BTBD9: variants seen among roughly 807,000 people sequenced by gnomAD.
BTBD9 encodes the protein BTB/POZ domain-containing protein 9.
Under a neutral mutation model 64.3 loss-of-function variants are expected in BTBD9, and 49 were observed. The observed-to-expected ratio is 0.76, with a 90% confidence interval of 0.61 to 0.97. The LOEUF (loss-of-function observed/expected upper bound fraction) is 0.97. Ranked by LOEUF, BTBD9 falls within the 50% of genes least tolerant of loss-of-function variation. The probability of loss-of-function intolerance (pLI) is 0.00; values close to 1 mark genes in which losing one functional copy is unlikely to be tolerated. For missense variants in BTBD9, 598 were observed against 762.1 expected (o/e 0.78, Z 2.53); for synonymous variants, 260 against 274.7 (o/e 0.95, Z 0.53).
At chr6:38,337,422 C>T (rs1425136288) in intron 7 of BTBD9, among the ~76,000 whole-genome samples, 1 of 152,220 alleles carries the variant, frequency 6.6e-6, no homozygotes, top group African/African-American at 2.4e-5. Context: ...TTACTATCTT[C>T]AGCTCCTCTG....
intron 9 of BTBD9, among the ~76,000 whole-genome samples, chr6:38,211,392 G>A (rs1473404005): frequency 6.7e-6 from 1 of 148,956 alleles, no homozygotes; most frequent in East Asian, 2.0e-4. Flanking sequence ...TAGCACCACT[G>A]CACTCCAGCC....
chr6:38,608,749 G>T (rs1296336472), intron 1 of BTBD9, among the ~76,000 whole-genome samples: 1 of 152,108 alleles, frequency 6.6e-6, no homozygotes, highest in East Asian at 1.9e-4. Flanking sequence ...TGAGAAATTT[G>T]TACAACATAA....
At chr6:38,385,766 A>G (rs146104330) in intron 6 of BTBD9, among the ~76,000 whole-genome samples, 4 of 151,818 alleles carry the variant, frequency 2.6e-5, no homozygotes, top group East Asian at 3.9e-4. Context: ...AAAAACAAGC[A>G]AACTATTAGA....
At chr6:38,329,537 G>C (rs1175096081) in intron 7 of BTBD9, among the ~76,000 whole-genome samples, 1 of 151,798 alleles carries the variant, frequency 6.6e-6, no homozygotes, top group Non-Finnish European at 1.5e-5. Flanking sequence ...TGGCCAGGCC[G>C]GTCTCAAACT....
chr6:38,412,017 A>G (rs1381307128), intron 6 of BTBD9, among the ~76,000 whole-genome samples: 2 of 152,118 alleles, frequency 1.3e-5, no homozygotes, highest in African/African-American at 4.8e-5. Flanking sequence ...AAAATAAAAT[A>G]ATTTTAAAAT....
At chr6:38,351,720 C>T (rs1461723387) in intron 6 of BTBD9, among the ~76,000 whole-genome samples, 1 of 151,786 alleles carries the variant, frequency 6.6e-6, no homozygotes, top group Admixed American at 6.6e-5. Context: ...AGTATGGTCT[C>T]GATCTCCTGA....
intron 8 of BTBD9, among the ~76,000 whole-genome samples, chr6:38,265,972 G>A (rs776161321): frequency 2.2e-4 from 33 of 152,240 alleles, no homozygotes; most frequent in Non-Finnish European, 4.7e-4. Flanking sequence ...GATACTGAGT[G>A]TGGAATGAAT....
chr6:38,442,187 C>A (rs898666270), intron 6 of BTBD9, among the ~76,000 whole-genome samples: 3 of 152,078 alleles, frequency 2.0e-5, no homozygotes, highest in Non-Finnish European at 4.4e-5. Flanking sequence ...TCTGTGAATT[C>A]CTATAATAAC....
chr6:38,494,329 T>G (rs745491423), intron 6 of BTBD9, among the ~76,000 whole-genome samples: 15 of 152,224 alleles, frequency 9.9e-5, no homozygotes, highest in Admixed American at 1.3e-4. Context: ...AAATTAAAAT[T>G]CTTCTATTCA....
chr6:38,542,967 C>G (rs1774355384), intron 6 of BTBD9, among the ~76,000 whole-genome samples: 1 of 152,206 alleles, frequency 6.6e-6, no homozygotes. Context: ...CATATCACTT[C>G]CCCGATTAAA....
intron 7 of BTBD9, among the ~76,000 whole-genome samples, chr6:38,332,747 T>G (rs972013083): frequency 3.3e-5 from 5 of 152,138 alleles, no homozygotes; most frequent in Admixed American, 6.6e-5. Context: ...TGTATTAAAT[T>G]TATACATTAA....
intron 2 of BTBD9, among the ~76,000 whole-genome samples, chr6:38,597,197 T>C (rs534885486): frequency 2.0e-5 from 3 of 152,198 alleles, no homozygotes; most frequent in Non-Finnish European, 4.4e-5. Context: ...ACTGCAGTTA[T>C]CACTACAAGG....
intron 6 of BTBD9, among the ~76,000 whole-genome samples, chr6:38,451,011 C>T (rs1769516492): frequency 6.6e-6 from 1 of 152,160 alleles, no homozygotes; most frequent in Non-Finnish European, 1.5e-5. Flanking sequence ...GTTTCACTAA[C>T]CTCTTCTCTA....
intron 6 of BTBD9, among the ~76,000 whole-genome samples, chr6:38,484,323 T>G (rs541290258): frequency 6.6e-6 from 1 of 152,270 alleles, no homozygotes; most frequent in South Asian, 2.1e-4. Context: ...TAAAAAGAAA[T>G]GGATTAAAGG....
chr6:38,613,493 G>A (rs1262212644), intron 1 of BTBD9, among the ~76,000 whole-genome samples: 1 of 152,114 alleles, frequency 6.6e-6, no homozygotes, highest in Non-Finnish European at 1.5e-5. Context: ...ATGATGGCGG[G>A]TCCCTGTAAT....
chr6:38,280,159 T>C (rs1263818874), intron 8 of BTBD9, among the ~76,000 whole-genome samples: 1 of 152,198 alleles, frequency 6.6e-6, no homozygotes, highest in Admixed American at 6.5e-5. Flanking sequence ...TGAGGCATAT[T>C]TACCATGCCC....
At chr6:38,460,939 T>C (rs13199426) in intron 6 of BTBD9, among the ~76,000 whole-genome samples, 16,733 of 152,288 alleles carry the variant, frequency 0.11, 970 homozygotes, top group African/African-American at 0.14. Flanking sequence ...TCTGGGTTTT[T>C]TTAAAGGCTG....
intron 9 of BTBD9, among the ~76,000 whole-genome samples, chr6:38,243,956 T>C (rs1764097227): frequency 6.6e-6 from 1 of 152,296 alleles, no homozygotes; most frequent in East Asian, 1.9e-4. Flanking sequence ...GCGTCAATCA[T>C]GGTATAATTA....
At chr6:38,624,205 G>A (rs1375819593) in intron 1 of BTBD9, among the ~76,000 whole-genome samples, 2 of 152,108 alleles carry the variant, frequency 1.3e-5, no homozygotes, top group African/African-American at 2.4e-5. Flanking sequence ...ATTGCGGGGA[G>A]GACTGAAAAA....
Sources: gnomAD v4.1 joint callset for allele counts (sites outside exome capture counted in the v4.1 genomes callset) on GRCh38, gnomAD v4.1.1 for gene constraint, MANE v1.5 for transcripts, NCBI Gene and HGNC (gene_info 2026-07-23, HGNC 2026-07-21) for gene names.